The following ERG variants were observed in gnomAD, a reference collection of about 807,000 sequenced individuals.
The protein encoded by ERG is transcriptional regulator ERG.
A neutral mutation model predicts 55.3 loss-of-function variants in ERG; 9 were observed. The ratio of observed to expected loss-of-function variants is 0.16; its 90% CI spans 0.10 to 0.28. The LOEUF (loss-of-function observed/expected upper bound fraction) is 0.28, where lower values mean the gene tolerates loss of function less well. Among genes scored for constraint, ERG ranks in the 10% least tolerant of loss-of-function variants. ERG has a pLI of 1.00. For missense variants in ERG, 434 were observed against 631.6 expected (o/e 0.69, Z 3.35); for synonymous variants, 223 against 237.3 (o/e 0.94, Z 0.55).
chr21:38,379,784 G>C (rs1373604480), downstream of ERG, among the ~76,000 whole-genome samples: 1 of 152,134 alleles, frequency 6.6e-6, no homozygotes, highest in Non-Finnish European at 1.5e-5. Context: ...CTGTCACCCA[G>C]GCTAGTGGCG....
At chr21:38,432,747 C>T (rs940634365) in intron 2 of ERG, among the ~76,000 whole-genome samples, 4 of 152,096 alleles carry the variant, frequency 2.6e-5, no homozygotes, top group Non-Finnish European at 1.5e-5. Flanking sequence ...GATAACTTGC[C>T]CAAGATCACA....
intron 1 of ERG, among the ~76,000 whole-genome samples, chr21:38,584,571 A>G (rs2060050895): frequency 6.6e-6 from 1 of 152,224 alleles, no homozygotes; most frequent in South Asian, 2.1e-4. Flanking sequence ...TGAAGACTAT[A>G]GAACTGAGAA....
At chr21:38,580,580 C>G (rs1374013615) in intron 1 of ERG, among the ~76,000 whole-genome samples, 1 of 152,086 alleles carries the variant, frequency 6.6e-6, no homozygotes, top group South Asian at 2.1e-4. Context: ...GTATATACTT[C>G]CATATGATTT....
intron 2 of ERG, among the ~76,000 whole-genome samples, chr21:38,548,986 G>A (rs1171400525): frequency 1.3e-5 from 2 of 151,600 alleles, no homozygotes; most frequent in Non-Finnish European, 1.5e-5. Context: ...GGTGGTGGGC[G>A]CCTGTAGTCC....
At chr21:38,476,012 A>G (rs570557579) in intron 1 of ERG, among the ~76,000 whole-genome samples, 2 of 152,342 alleles carry the variant, frequency 1.3e-5, no homozygotes, top group East Asian at 1.9e-4. Flanking sequence ...AATTTTTAAA[A>G]ATCTGCCTAC....
chr21:38,611,447 CCT>C lies in ERG; in HGVS notation c.-149-26504_-149-26503del, dbSNP rs569839130. Among the ~76,000 whole-genome samples, 756 of 152,196 alleles carry C rather than the reference CCT, an allele frequency of 5.0e-3. 6 individuals are homozygous for C. The highest frequency in any genetic ancestry group is 0.017 in the African/African-American group (721 of 41,542). On this transcript the variant is annotated intron_variant, in intron 1 of 10. Coordinates refer to the ERG transcript ENST00000398910. ...TCTGTGACCTCATCTCCACTCCTCCCCTCTCTCCATCTGGCCGCCCTGACCTC... is the reference window on the plus strand; with the variant it reads ...TCTGTGACCTCATCTCCACTCCTCCCCTCTCCATCTGGCCGCCCTGACCTC...
chr21:38,451,146 G>A (rs756475284), intron 1 of ERG: 2 of 490,372 alleles, frequency 4.1e-6, no homozygotes, highest in Non-Finnish European at 8.1e-6. Context: ...GAGGCTGGTA[G>A]AGGGAAGAGA....
chr21:38,455,506 G>A lies in ERG; in HGVS notation c.19-9885C>T, dbSNP rs370105679. ...CTCTCTCCTCTTCAGAAGGAGCTCC[G>A]TGAAAAATCGGCAGTTTTATGCTTG... On this transcript the variant is annotated intron_variant, in intron 1 of 9. Coordinates refer to ENST00000288319, the MANE Select transcript of ERG (RefSeq NM_182918.4). Among the ~76,000 whole-genome samples, 20 of 152,224 alleles carry A rather than the reference G, an allele frequency of 1.3e-4. No individual in the cohort carries two copies. The East Asian group carries it at 1.5e-3, about 12-fold the overall frequency.
intron 1 of ERG, among the ~76,000 whole-genome samples, chr21:38,595,527 C>G (rs1798157032): frequency 6.6e-6 from 1 of 152,152 alleles, no homozygotes; most frequent in Non-Finnish European, 1.5e-5. Flanking sequence ...TGAGGTTGGT[C>G]AATGGAAGCC....
intron 3 of ERG, among the ~76,000 whole-genome samples, chr21:38,410,582 G>C (rs1289050958): frequency 6.6e-6 from 1 of 152,234 alleles, no homozygotes; most frequent in Non-Finnish European, 1.5e-5. Flanking sequence ...GGTATAAGCA[G>C]TGGGAGGGAG....
rs572673145 is a variant in ERG, at chr21:38,625,826, C to T, written c.-150+35832G>A. 2.0e-5 allele frequency among the ~76,000 whole-genome samples: 3 copies of T among 150,972 alleles called. No homozygotes were observed. In the East Asian group the frequency reaches 5.8e-4, roughly 29 times the overall value. On this transcript the variant is annotated intron_variant, in intron 1 of 10. Transcript: ENST00000398910. ...GATACTTACTAATTAATATGATTGG[C>T]GATATGGTGCGTATTTAGAATAATC...
chr21:38,461,202 C>A (rs1226199527), intron 1 of ERG, among the ~76,000 whole-genome samples: 1 of 152,164 alleles, frequency 6.6e-6, no homozygotes, highest in African/African-American at 2.4e-5. Context: ...TTGATTCCTC[C>A]TGAGGACTCC....
intron 2 of ERG, among the ~76,000 whole-genome samples, chr21:38,436,705 T>C (rs1031053540): frequency 6.6e-6 from 1 of 152,218 alleles, no homozygotes; most frequent in East Asian, 1.9e-4. Context: ...ATGTGGGTTT[T>C]AGAAATATGG....
intron 2 of ERG, among the ~76,000 whole-genome samples, chr21:38,515,329 A>C (rs557421029): frequency 4.6e-5 from 7 of 152,152 alleles, no homozygotes; most frequent in African/African-American, 1.4e-4. Flanking sequence ...ACCTAGAGGA[A>C]ATGGATACAT....
chr21:38,456,092 G>T (rs879344875), intron 1 of ERG, among the ~76,000 whole-genome samples: 1 of 152,188 alleles, frequency 6.6e-6, no homozygotes, highest in Admixed American at 6.5e-5. Context: ...AAATGAGATC[G>T]ATTTGTTTAA....
rs142054737 is a variant in ERG, at chr21:38,393,806, A to C, written c.746-1362T>G. On this transcript the variant is annotated intron_variant, in intron 6 of 9. Transcript: ENST00000288319. ...CTACTAGTGTGGTCTATGAAATCCT[A>C]CCCTTCAGAGCTTTGGAGAATTAGA... Among the ~76,000 whole-genome samples the C allele has an allele frequency of 3.4e-3, 522 of 152,162 alleles. 5 individuals are homozygous for C. The highest frequency in any genetic ancestry group is 0.012 in the African/African-American group (501 of 41,490).
chr21:38,559,151 C>T (rs2059876518), intron 2 of ERG, among the ~76,000 whole-genome samples: 2 of 152,206 alleles, frequency 1.3e-5, no homozygotes, highest in South Asian at 2.1e-4. Context: ...TGGGCTGGCA[C>T]AGAGAGATCA....
chr21:38,604,688 T>C lies in ERG; in HGVS notation c.-149-19743A>G, dbSNP rs541342718. Among the ~76,000 whole-genome samples the C allele has an allele frequency of 1.2e-4, 19 of 152,384 alleles. No individual in the cohort carries two copies. The South Asian group carries it at 3.7e-3, about 30-fold the overall frequency. On this transcript the variant is annotated intron_variant, in intron 1 of 10. Coordinates refer to the ERG transcript ENST00000398910. ...TATTACCAGTATAATGTGTACATTG[T>C]TAGTATTACTGATTGTGTCCTGTCT... is the stretch of plus-strand genomic sequence containing the variant.
intron 1 of ERG, among the ~76,000 whole-genome samples, chr21:38,635,290 T>C (rs980686669): frequency 5.9e-5 from 9 of 152,146 alleles, no homozygotes; most frequent in East Asian, 1.9e-4. Flanking sequence ...TATAGCCTAC[T>C]GTAATAGTAG....
Sources: gnomAD v4.1 joint callset for allele counts (sites outside exome capture counted in the v4.1 genomes callset) on GRCh38, gnomAD v4.1.1 for gene constraint, MANE v1.5 for transcripts, NCBI Gene and HGNC (gene_info 2026-07-23, HGNC 2026-07-21) for gene names.